Variants in EYA1 observed in about 807,000 individuals in gnomAD.
The protein encoded by EYA1 is protein phosphatase EYA1.
In EYA1, 16 loss-of-function variants were observed where a neutral mutation model predicts 82.0. The observed-to-expected ratio is 0.20, with a 90% CI of 0.13 to 0.30. EYA1 has a LOEUF of 0.30. Among genes scored for constraint, EYA1 ranks in the 10% least tolerant of loss-of-function variants. The probability of loss-of-function intolerance (pLI) is 1.00; values close to 1 mark genes in which losing one functional copy is unlikely to be tolerated. For synonymous variants in EYA1, 261 were observed against 264.4 expected (o/e 0.99, Z 0.12); for missense variants, 633 against 730.7 (o/e 0.87, Z 1.54).
chr8:71,382,533 A>T (rs1247509270), intron 2 of EYA1, among the ~76,000 whole-genome samples: 4 of 152,144 alleles, frequency 2.6e-5, no homozygotes, highest in Non-Finnish European at 4.4e-5. Flanking sequence ...TCATACTACA[A>T]GAATTTTTTA....
rs564088726 is a variant in EYA1, at chr8:71,500,675, A to G, written c.33+35069T>C. 2.6e-5 allele frequency among the ~76,000 whole-genome samples: 4 copies of G among 152,288 alleles called. No individual in the cohort carries two copies. The East Asian group carries it at 7.7e-4, about 29-fold the overall frequency. On this transcript the variant is annotated intron_variant, in intron 2 of 18. Transcript: ENST00000643681. ...TTGATGTATCTATTTTTTTATATCT[A>G]TTAAGTCTGTGTTCCAAATGAAAGG...
intron 11 of EYA1, among the ~76,000 whole-genome samples, chr8:71,248,120 A>G (rs1289117083): frequency 6.6e-6 from 1 of 152,218 alleles, no homozygotes; most frequent in African/African-American, 2.4e-5. Context: ...AGGCTTGTTC[A>G]GTCTAGTGGT....
chr8:71,453,958 T>A (rs1807635942), intron 2 of EYA1, among the ~76,000 whole-genome samples: 1 of 152,156 alleles, frequency 6.6e-6, no homozygotes, highest in African/African-American at 2.4e-5. Context: ...ATGCTCCAAT[T>A]AAAAGACACA....
chr8:71,341,544 T>C (rs1400054970), intron 3 of EYA1, among the ~76,000 whole-genome samples: 2 of 152,208 alleles, frequency 1.3e-5, no homozygotes. Flanking sequence ...AAATGCATGA[T>C]TGACTCAATA....
chr8:71,454,368 A>G (rs1807691338), intron 2 of EYA1, among the ~76,000 whole-genome samples: 1 of 152,224 alleles, frequency 6.6e-6, no homozygotes, highest in Non-Finnish European at 1.5e-5. Context: ...TCAATGAGAC[A>G]GAATGTTAAC....
chr8:71,291,206 G>A (rs890743095), intron 9 of EYA1, among the ~76,000 whole-genome samples: 21 of 152,152 alleles, frequency 1.4e-4, no homozygotes, highest in African/African-American at 4.6e-4. Flanking sequence ...GAAGATAGCC[G>A]GGAGTTTAGT....
At chr8:71,388,312 C>G (rs1658799770) in intron 2 of EYA1, among the ~76,000 whole-genome samples, 2 of 152,078 alleles carry the variant, frequency 1.3e-5, no homozygotes, top group South Asian at 4.1e-4. Context: ...TAATTATGAC[C>G]AGTAATTGTT....
intron 2 of EYA1, among the ~76,000 whole-genome samples, chr8:71,452,417 A>G (rs1403330184): frequency 3.3e-5 from 5 of 152,158 alleles, no homozygotes; most frequent in Admixed American, 6.6e-5. Flanking sequence ...CTTTGAAGAG[A>G]GTAGTGGTTC....
At chr8:71,414,486 G>A (rs781413901) in intron 2 of EYA1, among the ~76,000 whole-genome samples, 2 of 152,166 alleles carry the variant, frequency 1.3e-5, no homozygotes, top group Non-Finnish European at 1.5e-5. Context: ...ACTTTTGACT[G>A]CAGAGAAAGA....
intron 9 of EYA1, among the ~76,000 whole-genome samples, chr8:71,298,259 C>G (rs960002290): frequency 7.2e-5 from 11 of 151,990 alleles, no homozygotes; most frequent in African/African-American, 2.4e-4. Flanking sequence ...TGGAAACAGG[C>G]AAGAGGAAGA....
At chr8:71,249,763 T>C (rs932747485) in intron 11 of EYA1, among the ~76,000 whole-genome samples, 5 of 152,174 alleles carry the variant, frequency 3.3e-5, no homozygotes, top group African/African-American at 1.2e-4. Flanking sequence ...AGATCTCAAC[T>C]GGAGGCTCAT....
intron 2 of EYA1, among the ~76,000 whole-genome samples, chr8:71,446,919 G>T (rs559493879): frequency 5.9e-5 from 9 of 152,048 alleles, no homozygotes; most frequent in Non-Finnish European, 1.2e-4. Context: ...CATATTACTT[G>T]TGGCTTATCT....
intron 3 of EYA1, among the ~76,000 whole-genome samples, chr8:71,352,354 C>T (rs573896871): frequency 6.6e-6 from 1 of 152,056 alleles, no homozygotes; most frequent in Non-Finnish European, 1.5e-5. Context: ...TAGAACTTTC[C>T]AATATTGTTT....
At chr8:71,356,392 C>T in intron 2 of EYA1, 70 bp downstream of exon 2, 1 of 1,334,304 alleles carries the variant, frequency 7.5e-7, no homozygotes, top group African/African-American at 1.5e-5. Flanking sequence ...TTAAGAAACA[C>T]TAGACAAAAA....
At position 71,262,380 on chromosome 8, in the gene EYA1, G is replaced by T. The variant is rs2380718; in HGVS notation, c.1050+7360C>A. On this transcript the variant is annotated intron_variant, in intron 11 of 17. Coordinates refer to ENST00000340726, the MANE Select transcript of EYA1 (RefSeq NM_000503.6). ...CTCTGTTTCCCACTCCCTCTTTGCT[G>T]CCTGGAATAACAAAGTCTGCATGGT... Among the ~76,000 whole-genome samples the T allele has an allele frequency of 2.9e-3, 440 of 152,136 alleles. 3 individuals are homozygous for T. Among genetic ancestry groups the T allele is most frequent in the African/African-American group, 0.01 (415 of 41,484 alleles).
chr8:71,524,016 GTGTAA>G (rs1448614308), intron 2 of EYA1, among the ~76,000 whole-genome samples: 1 of 152,156 alleles, frequency 6.6e-6, no homozygotes, highest in Non-Finnish European at 1.5e-5. Flanking sequence ...TAATTCTAAT[GTGTAA>G]TGTAAACTTT....
At chr8:71,479,172 G>T (rs1418539918) in intron 2 of EYA1, among the ~76,000 whole-genome samples, 1 of 152,042 alleles carries the variant, frequency 6.6e-6, no homozygotes, top group African/African-American at 2.4e-5. Flanking sequence ...CTGGCCTCTT[G>T]ATTAGTCTAC....
chr8:71,536,509 C>A (rs1814725169), intron 1 of EYA1, among the ~76,000 whole-genome samples: 1 of 150,530 alleles, frequency 6.6e-6, no homozygotes, highest in South Asian at 2.1e-4. Flanking sequence ...TAGCTATCTT[C>A]AAAAAAAAAT....
chr8:71,483,102 T>A (rs1403280600), intron 2 of EYA1, among the ~76,000 whole-genome samples: 1 of 152,238 alleles, frequency 6.6e-6, no homozygotes, highest in Non-Finnish European at 1.5e-5. Flanking sequence ...CAAGTCAAAC[T>A]CTTTTAATGG....
Sources: gnomAD v4.1 joint callset for allele counts (sites outside exome capture counted in the v4.1 genomes callset) on GRCh38, gnomAD v4.1.1 for gene constraint, MANE v1.5 for transcripts, NCBI Gene and HGNC (gene_info 2026-07-23, HGNC 2026-07-21) for gene names.